SYNE1: variants seen among roughly 807,000 people sequenced by gnomAD.
SYNE1 encodes spectrin repeat containing nuclear envelope protein 1, also known as nesprin-1.
Under a neutral mutation model 1,111.0 loss-of-function variants are expected in SYNE1, and 616 were observed. The observed-to-expected ratio is 0.55, with a 90% confidence interval of 0.52 to 0.59. The LOEUF (loss-of-function observed/expected upper bound fraction) is 0.59. Among genes scored for constraint, SYNE1 ranks in the 20% least tolerant of loss-of-function variants. The pLI is 0.00. For synonymous variants in SYNE1, 3,855 were observed against 3,825.8 expected (o/e 1.01, Z -0.28); for missense variants, 10,006 against 10,417.0 (o/e 0.96, Z 1.72).
chr6:152,256,561 G>A, intron 102 of SYNE1, 73 bp downstream of exon 102: 2 of 1,598,662 alleles, frequency 1.3e-6, no homozygotes, highest in Non-Finnish European at 1.7e-6. Flanking sequence ...GTCTCACAGA[G>A]GCCAGGCAAA....
chr6:152,247,762 C>T (rs879372568), intron 105 of SYNE1, among the ~76,000 whole-genome samples: 2,114 of 143,962 alleles, frequency 0.015, 50 homozygotes, highest in African/African-American at 0.052. Flanking sequence ...CACACACACA[C>T]ACACACACAC....
chr6:152,607,575 G>C (rs558009467), intron 3 of SYNE1, among the ~76,000 whole-genome samples: 1 of 152,094 alleles, frequency 6.6e-6, no homozygotes, highest in Non-Finnish European at 1.5e-5. Flanking sequence ...AAATAGGAAC[G>C]CTTTTACACT....
At chr6:152,286,315 C>G (rs1217434506) in intron 95 of SYNE1, among the ~76,000 whole-genome samples, 1 of 152,124 alleles carries the variant, frequency 6.6e-6, no homozygotes, top group Non-Finnish European at 1.5e-5. Context: ...TCAAAAATCA[C>G]CACTGTGTTA....
rs766056298 is a variant in SYNE1 at position 152,224,902 on chromosome 6, A to AAT, written c.21352-240_21352-239dup. Among the ~76,000 whole-genome samples, 1,824 of 145,132 alleles carry AAT rather than the reference A, an allele frequency of 0.013. 46 individuals are homozygous for AAT. Among genetic ancestry groups the AAT allele is most frequent in the African/African-American group, 0.041 (1,628 of 39,246 alleles). ...GAAATGCTTAAAAGGGTAACTGATA[A>AAT]ATATATATATATATGTATATATATA... On this transcript the variant is annotated intron_variant, in intron 116 of 145. Coordinates refer to ENST00000367255, the MANE Select transcript of SYNE1 (RefSeq NM_182961.4).
intron 21 of SYNE1, among the ~76,000 whole-genome samples, chr6:152,460,290 C>T (rs1454254115): frequency 6.6e-6 from 1 of 152,036 alleles, no homozygotes; most frequent in East Asian, 1.9e-4. Context: ...ATCATTATTG[C>T]CCACAACCTT....
chr6:152,398,529 A>G (rs1221990782), intron 49 of SYNE1, 90 bp downstream of exon 49: 19 of 1,069,940 alleles, frequency 1.8e-5, no homozygotes, highest in Non-Finnish European at 2.8e-5. Context: ...ATTGGCTCAG[A>G]TAAGATTTGG....
intron 113 of SYNE1, among the ~76,000 whole-genome samples, chr6:152,231,782 G>A (rs1562360019): frequency 1.2e-5 from 1 of 80,188 alleles, no homozygotes; most frequent in Non-Finnish European, 2.2e-5. Flanking sequence ...ATATACGTGT[G>A]TATGTGTGTG....
chr6:152,561,232 TAACA>T (rs1306411275), intron 3 of SYNE1, among the ~76,000 whole-genome samples: 2 of 151,890 alleles, frequency 1.3e-5, no homozygotes, highest in Admixed American at 6.6e-5. Flanking sequence ...GGTACAAAAT[TAACA>T]AACAAAATTC....
chr6:152,152,388 G>A (rs542507572), intron 133 of SYNE1, among the ~76,000 whole-genome samples: 54 of 152,146 alleles, frequency 3.5e-4, no homozygotes, highest in Admixed American at 1.6e-3. Flanking sequence ...AAACACACAC[G>A]CATCCAACAC....
chr6:152,472,431 A>G lies in SYNE1; in HGVS notation c.1351-18T>C, dbSNP rs756723434. The G allele has an allele frequency of 6.2e-7, 1 of 1,604,026 alleles. No individual in the cohort carries two copies. On this transcript the variant is annotated intron_variant, in intron 14 of 145. Coordinates refer to ENST00000367255, the MANE Select transcript of SYNE1 (RefSeq NM_182961.4). ...AGCAGATCCTAAGATACAGTTTAAAAAAAAATAAAAAATGAAAAACATGTT... is the reference window on the plus strand; with the variant it reads ...AGCAGATCCTAAGATACAGTTTAAAGAAAAATAAAAAATGAAAAACATGTT...
intron 118 of SYNE1, 49 bp from the exon 119 acceptor site, chr6:152,221,095 A>G (rs371075271): frequency 6.4e-7 from 1 of 1,554,188 alleles, no homozygotes; most frequent in African/African-American, 1.4e-5. Context: ...CTCTCACCAA[A>G]TGTGGATATG....
chr6:152,358,270 C>T (rs1590995399), intron 66 of SYNE1, 103 bp downstream of exon 66: 1 of 1,491,706 alleles, frequency 6.7e-7, no homozygotes, highest in African/African-American at 1.4e-5. Flanking sequence ...TGTGTATCAA[C>T]TAGCCACTGG....
intron 129 of SYNE1, 131 bp from the exon 130 acceptor site, chr6:152,176,691 GA>G (rs1404246068): frequency 2.2e-6 from 2 of 896,786 alleles, no homozygotes; most frequent in Non-Finnish European, 3.6e-6. Flanking sequence ...ATACCATGTG[GA>G]TATCAGCCCA....
intron 119 of SYNE1, 113 bp from the exon 120 acceptor site, chr6:152,219,298 AT>A: frequency 9.6e-7 from 1 of 1,043,762 alleles, no homozygotes. Flanking sequence ...GGATCATATT[AT>A]TAGGCTAAAT....
Position 152,376,529 on chromosome 6 carries a change from T to C in SYNE1, c.9176A>G (p.Gln3059Arg). ...CLCLQASKGCQNKEQILQQRF... is the reference protein window; with the variant it reads ...CLCLQASKGCRNKEQILQQRF... ...TTGCTGTAAAATCTGTTCTTTATTC[T>C]GGCAGCCCTTGGATGCTTGCAAACA... Residue 3059 changes from glutamine (Q) to arginine (R), a missense_variant, in exon 58 of 146, where the codon CAG (glutamine) becomes CGG (arginine). Physicochemically the swap from Gln to Arg is conservative, Grantham distance 43. Around this residue, in one of 7 missense-constraint regions of SYNE1, gnomAD observed 4,955 missense variants for 5,017.2 expected, o/e 0.99. Transcript: ENST00000367255. 1 of 1,614,126 alleles carries C rather than the reference T, an allele frequency of 6.2e-7. No homozygotes were observed. Among genetic ancestry groups the C allele is most frequent in the Non-Finnish European group, 8.5e-7 (1 of 1,180,032 alleles).
At chr6:152,597,174 T>A (rs1415114032) in intron 3 of SYNE1, among the ~76,000 whole-genome samples, 1 of 152,226 alleles carries the variant, frequency 6.6e-6, no homozygotes, top group Non-Finnish European at 1.5e-5. Flanking sequence ...TTGAGCAACA[T>A]GTTTTCCCAT....
intron 97 of SYNE1, among the ~76,000 whole-genome samples, chr6:152,279,493 A>G (rs2153714963): frequency 6.6e-6 from 1 of 152,004 alleles, no homozygotes; most frequent in East Asian, 1.9e-4. Flanking sequence ...AGGCAGGCAG[A>G]TCGCTTGAGC....
chr6:152,219,100 G>T lies in SYNE1; in HGVS notation c.21947C>A (p.Ala7316Asp). 1.2e-6 allele frequency: 2 copies of T among 1,614,158 alleles called. No individual in the cohort carries two copies. The highest frequency in any genetic ancestry group is 1.7e-6 in the Non-Finnish European group (2 of 1,180,002). Residue 7316 changes from alanine to aspartate, a missense_variant, in exon 120 of 146, where the codon GCT becomes GAT. Coordinates refer to ENST00000367255, the MANE Select transcript of SYNE1 (RefSeq NM_182961.4). ...CGATTGAATAGCTGATGCTGCGGAA[G>T]CATCCACTTGTTGCTTCAGTTGCTC... ...LGEQLKQQVD[A>D]SAASAIQSDQ... is the part of the protein sequence containing the mutation.
At position 152,346,341 on chromosome 6, in the gene SYNE1, A is replaced by G. The variant is rs527323510; in HGVS notation, c.12078+718T>C. Among the ~76,000 whole-genome samples the G allele has an allele frequency of 9.9e-5, 15 of 151,818 alleles. 1 individual carries two copies. The South Asian group carries it at 2.7e-3, about 27-fold the overall frequency. On this transcript the variant is annotated intron_variant, in intron 73 of 145. Transcript: ENST00000367255. Reference sequence around the variant, plus strand: ...GCCACCACGCCCAGGTAATTTTTGTATTTTTAGTGAAGACGGGGTTTCACC... The same window carrying G: ...GCCACCACGCCCAGGTAATTTTTGTGTTTTTAGTGAAGACGGGGTTTCACC...
Sources: allele counts gnomAD v4.1 joint callset (sites outside exome capture counted in the v4.1 genomes callset), GRCh38; gene constraint gnomAD v4.1.1; regional missense constraint gnomAD v4.1.1; transcripts MANE v1.5; gene names NCBI Gene and HGNC (gene_info 2026-07-23, HGNC 2026-07-21).